The following CNTNAP4 variants were observed in gnomAD, a reference collection of about 807,000 sequenced individuals.
The protein encoded by CNTNAP4 is contactin-associated protein-like 4.
Under a neutral mutation model 148.4 loss-of-function variants are expected in CNTNAP4, and 98 were observed. The ratio of observed to expected loss-of-function variants is 0.66; its 90% CI spans 0.56 to 0.78. The LOEUF is 0.78. Ranked by LOEUF, CNTNAP4 falls within the 30% of genes least tolerant of loss-of-function variation. The pLI is 0.00. For synonymous variants in CNTNAP4, 730 were observed against 565.1 expected (o/e 1.29, Z -4.14); for missense variants, 1,935 against 1,565.6 (o/e 1.24, Z -3.98).
intron 3 of CNTNAP4, among the ~76,000 whole-genome samples, chr16:76,370,687 TACTAACG>T (rs1315298388): frequency 6.6e-6 from 1 of 152,192 alleles, no homozygotes; most frequent in Non-Finnish European, 1.5e-5. Flanking sequence ...GAAGGTATGT[TACTAACG>T]ACAAATTGCC....
At chr16:76,289,981 T>G (rs767872878) in intron 1 of CNTNAP4, among the ~76,000 whole-genome samples, 11 of 152,216 alleles carry the variant, frequency 7.2e-5, no homozygotes, top group Non-Finnish European at 1.2e-4. Context: ...TACACATTTG[T>G]GATTTTTATT....
chr16:76,554,010 GTGC>G (rs1190675173), intron 23 of CNTNAP4, 103 bp downstream of exon 23: 4 of 703,428 alleles, frequency 5.7e-6, no homozygotes, highest in Non-Finnish European at 9.6e-6. Flanking sequence ...CATACTCCAA[GTGC>G]CAGGCACTGA....
At chr16:76,499,563 A>T (rs13330535) in intron 15 of CNTNAP4, among the ~76,000 whole-genome samples, 22,839 of 151,180 alleles carry the variant, frequency 0.15, 1,924 homozygotes, top group Middle Eastern at 0.25. Context: ...TTATTTATTT[A>T]TTTATTTTAG....
intron 3 of CNTNAP4, among the ~76,000 whole-genome samples, chr16:76,366,247 C>A (rs2014112498): frequency 6.6e-6 from 1 of 152,046 alleles, no homozygotes; most frequent in African/African-American, 2.4e-5. Flanking sequence ...AAGCCTGGTA[C>A]CCAATAGTTA....
chr16:76,542,502 C>T (rs961377813), intron 21 of CNTNAP4, among the ~76,000 whole-genome samples: 1 of 152,174 alleles, frequency 6.6e-6, no homozygotes, highest in African/African-American at 2.4e-5. Flanking sequence ...CCATCTACTT[C>T]CCTACAGATG....
chr16:76,380,922 C>A (rs8059439), intron 3 of CNTNAP4, among the ~76,000 whole-genome samples: 24,192 of 152,092 alleles, frequency 0.16, 2,511 homozygotes, highest in East Asian at 0.45. Context: ...CATTTACTTT[C>A]TTTTAAGTTA....
chr16:76,386,902 G>A (rs2016560786), intron 3 of CNTNAP4, among the ~76,000 whole-genome samples: 1 of 152,126 alleles, frequency 6.6e-6, no homozygotes, highest in Non-Finnish European at 1.5e-5. Flanking sequence ...AGGAGGCTGT[G>A]GAAGGAGAAT....
chr16:76,342,465 C>CTTTTT (rs397854943), intron 2 of CNTNAP4, among the ~76,000 whole-genome samples: 134 of 91,484 alleles, frequency 1.5e-3, no homozygotes, highest in Non-Finnish European at 1.8e-3. Flanking sequence ...TTGCTAATTT[C>CTTTTT]TTTTTTTTTT....
chr16:76,457,786 GTTA>G (rs2080790457), intron 8 of CNTNAP4, among the ~76,000 whole-genome samples: 1 of 148,678 alleles, frequency 6.7e-6, no homozygotes, highest in African/African-American at 2.5e-5. Context: ...TTATTTATTT[GTTA>G]TTTTACTTTT....
chr16:76,344,318 A>G (rs1964730845), intron 2 of CNTNAP4, among the ~76,000 whole-genome samples: 1 of 152,200 alleles, frequency 6.6e-6, no homozygotes. Context: ...AATGCTATAC[A>G]TATGGCAAAA....
intron 2 of CNTNAP4, among the ~76,000 whole-genome samples, chr16:76,336,199 G>C (rs2144301438): frequency 6.6e-6 from 1 of 152,000 alleles, no homozygotes. Context: ...GATTGGGTTG[G>C]GAAAAAAAAT....
chr16:76,395,292 GTC>G (rs1487010361), intron 3 of CNTNAP4, among the ~76,000 whole-genome samples: 3 of 147,488 alleles, frequency 2.0e-5, no homozygotes, highest in African/African-American at 7.5e-5. Flanking sequence ...TTGAGATGCA[GTC>G]TCTGTCTGCT....
intron 3 of CNTNAP4, among the ~76,000 whole-genome samples, chr16:76,426,345 A>T (rs1367556027): frequency 1.3e-5 from 2 of 152,166 alleles, no homozygotes; most frequent in African/African-American, 2.4e-5. Context: ...TGCAGTCTAC[A>T]TGAGGTTGAT....
At chr16:76,327,992 C>G (rs149725945) in intron 2 of CNTNAP4, among the ~76,000 whole-genome samples, 18 of 152,138 alleles carry the variant, frequency 1.2e-4, no homozygotes, top group African/African-American at 4.1e-4. Context: ...AAACTTTTGC[C>G]TCAAAGTCAT....
At chr16:76,511,149 C>T (rs2083010457) in intron 15 of CNTNAP4, among the ~76,000 whole-genome samples, 1 of 152,134 alleles carries the variant, frequency 6.6e-6, no homozygotes, top group Non-Finnish European at 1.5e-5. Flanking sequence ...GTATTTTTAA[C>T]TCTTTGGCGT....
intron 2 of CNTNAP4, among the ~76,000 whole-genome samples, chr16:76,346,299 CG>C (rs1964895330): frequency 6.6e-6 from 1 of 151,756 alleles, no homozygotes; most frequent in South Asian, 2.1e-4. Flanking sequence ...CTAGTAATGC[CG>C]GCTTTTCTAC....
rs367947637 is a variant in CNTNAP4, at chr16:76,434,455, G to T, written c.538+6856G>T. On this transcript the variant is annotated intron_variant, in intron 4 of 23. Coordinates refer to ENST00000611870, the MANE Select transcript of CNTNAP4 (RefSeq NM_033401.5). ...AGATGTGTTAATTGGAGCAGGCAAT[G>T]AAACCACATCTAGTACAACAGCTGC... Among the ~76,000 whole-genome samples the T allele has an allele frequency of 5.9e-5, 9 of 152,296 alleles. No individual in the cohort carries two copies. In the East Asian group the frequency reaches 1.2e-3, roughly 20 times the overall value.
At position 76,553,310 on chromosome 16, in the gene CNTNAP4, C is replaced by T; in HGVS notation, c.3470C>T (p.Ala1157Val). Residue 1157 changes from alanine to valine, a missense_variant, in exon 22 of 24, where the codon GCA (alanine) becomes GTA (valine). By Grantham distance (64) the Ala-to-Val change is moderately conservative. Transcript: ENST00000611870. ...CACAGTGATGTGGACCAGGATACTG[C>T]ACTGGCAGGTGCGCAGGGCTTCACA... ...LEHSDVDQDT[A>V]LAGAQGFTGC... The T allele has an allele frequency of 1.2e-6, 2 of 1,611,798 alleles. No individual in the cohort carries two copies. The highest frequency in any genetic ancestry group is 1.7e-6 in the Non-Finnish European group (2 of 1,178,256).
At chr16:76,531,716 G>A (rs1461962135) in intron 17 of CNTNAP4, among the ~76,000 whole-genome samples, 2 of 152,090 alleles carry the variant, frequency 1.3e-5, no homozygotes, top group Non-Finnish European at 2.9e-5. Context: ...ATTTACATTA[G>A]CCACGTTTTT....
Sources: allele counts gnomAD v4.1 joint callset (sites outside exome capture counted in the v4.1 genomes callset), GRCh38; gene constraint gnomAD v4.1.1; transcripts MANE v1.5; gene names NCBI Gene and HGNC (gene_info 2026-07-23, HGNC 2026-07-21).